Variants in RSPO2 observed in about 807,000 individuals in gnomAD.
The protein encoded by RSPO2 is R-spondin 2.
Under a neutral mutation model 30.9 loss-of-function variants are expected in RSPO2, and 14 were observed. The observed-to-expected ratio is 0.45, with a 90% CI of 0.30 to 0.71. RSPO2 has a LOEUF of 0.71. RSPO2 is among the 30% of genes least tolerant of loss of function. RSPO2 has a pLI of 0.08. For missense variants in RSPO2, 264 were observed against 301.9 expected (o/e 0.87, Z 0.93); for synonymous variants, 107 against 96.4 (o/e 1.11, Z -0.64).
chr8:108,012,900 C>A (rs1385715595), intron 2 of RSPO2, among the ~76,000 whole-genome samples: 1 of 152,208 alleles, frequency 6.6e-6, no homozygotes, highest in African/African-American at 2.4e-5. Context: ...GGAATTTACT[C>A]TAAATTTACA....
chr8:107,999,628 T>C (rs1005033807), intron 2 of RSPO2, among the ~76,000 whole-genome samples: 3 of 151,992 alleles, frequency 2.0e-5, no homozygotes, highest in Non-Finnish European at 4.4e-5. Flanking sequence ...AGAGACAAAA[T>C]TTTGTCATGT....
intron 2 of RSPO2, among the ~76,000 whole-genome samples, chr8:108,010,802 A>G (rs1810680068): frequency 6.6e-6 from 1 of 152,186 alleles, no homozygotes; most frequent in Non-Finnish European, 1.5e-5. Flanking sequence ...AAGGAAGAGC[A>G]CACCCAGAAA....
intron 2 of RSPO2, among the ~76,000 whole-genome samples, chr8:108,054,850 A>C (rs2440387): frequency 6.6e-6 from 1 of 151,980 alleles, no homozygotes; most frequent in East Asian, 1.9e-4. Flanking sequence ...AGGGTGGCTC[A>C]TGCCTCTAAT....
At position 108,053,999 on chromosome 8, in the gene RSPO2, T is replaced by C. The variant is rs1054338169; in HGVS notation, c.94+28546A>G. Among the ~76,000 whole-genome samples the C allele has an allele frequency of 3.9e-5, 6 of 152,326 alleles. No homozygotes were observed. The South Asian group carries it at 1.2e-3, about 32-fold the overall frequency. On this transcript the variant is annotated intron_variant, in intron 2 of 5. Transcript: ENST00000276659. Reference sequence around the variant, plus strand: ...GAACCCCGAATGTATTTCCTATGTATATCATTATTTCAGCACTCTCTCGAG... The same window carrying C: ...GAACCCCGAATGTATTTCCTATGTACATCATTATTTCAGCACTCTCTCGAG...
At chr8:108,018,062 T>C (rs1033742753) in intron 2 of RSPO2, among the ~76,000 whole-genome samples, 2 of 152,186 alleles carry the variant, frequency 1.3e-5, no homozygotes, top group African/African-American at 2.4e-5. Flanking sequence ...AAATAAATTA[T>C]TTTGCATAAT....
intron 2 of RSPO2, among the ~76,000 whole-genome samples, chr8:108,062,397 T>C (rs1246899854): frequency 6.6e-6 from 1 of 151,798 alleles, no homozygotes; most frequent in East Asian, 1.9e-4. Flanking sequence ...CATCAGAGAA[T>C]ACTATAAACA....
chr8:107,901,845 G>T (rs1488561784), intron 5 of RSPO2, among the ~76,000 whole-genome samples: 4 of 152,192 alleles, frequency 2.6e-5, no homozygotes, highest in Admixed American at 2.6e-4. Flanking sequence ...TAAACTGGTG[G>T]TATGTGTCTA....
At chr8:107,907,743 A>T (rs560384008) in intron 5 of RSPO2, among the ~76,000 whole-genome samples, 1 of 152,238 alleles carries the variant, frequency 6.6e-6, no homozygotes, top group East Asian at 1.9e-4. Context: ...GGTTTACACT[A>T]ATTTGTAAAA....
intron 2 of RSPO2, among the ~76,000 whole-genome samples, chr8:108,040,822 C>A (rs920936753): frequency 1.3e-4 from 19 of 151,992 alleles, no homozygotes; most frequent in African/African-American, 4.3e-4. Flanking sequence ...TCCTCATGAA[C>A]CAAAACATAG....
At chr8:108,008,467 T>C (rs1161089433) in intron 2 of RSPO2, among the ~76,000 whole-genome samples, 1 of 152,132 alleles carries the variant, frequency 6.6e-6, no homozygotes. Flanking sequence ...CCAGAGCTCA[T>C]ATTATCACAG....
chr8:108,057,470 T>TAA (rs148832735), intron 2 of RSPO2, among the ~76,000 whole-genome samples: 2 of 152,114 alleles, frequency 1.3e-5, no homozygotes, highest in African/African-American at 4.8e-5. Flanking sequence ...TAAGTGGCTA[T>TAA]AAAAAAAATC....
chr8:108,059,284 A>T (rs1812368726), intron 2 of RSPO2, among the ~76,000 whole-genome samples: 1 of 151,946 alleles, frequency 6.6e-6, no homozygotes, highest in East Asian at 1.9e-4. Flanking sequence ...GAGAAATGCA[A>T]ATCAAAACCA....
At chr8:107,952,289 GCACA>G (rs60942015) in intron 5 of RSPO2, among the ~76,000 whole-genome samples, 113 of 149,022 alleles carry the variant, frequency 7.6e-4, no homozygotes, top group African/African-American at 1.9e-3. Flanking sequence ...ACACACACAT[GCACA>G]CACACACACA....
chr8:108,016,540 GAA>G (rs143726722), intron 2 of RSPO2, among the ~76,000 whole-genome samples: 2 of 151,654 alleles, frequency 1.3e-5, no homozygotes, highest in Non-Finnish European at 2.9e-5. Context: ...CACACACAGA[GAA>G]AAAAAACCAC....
intron 2 of RSPO2, among the ~76,000 whole-genome samples, chr8:108,016,249 G>A (rs1388731608): frequency 6.6e-6 from 1 of 152,166 alleles, no homozygotes; most frequent in East Asian, 1.9e-4. Flanking sequence ...AAGGATATAT[G>A]CTCCACAAAA....
In RSPO2 at chr8:107,900,927, G is replaced by T; in HGVS notation, c.*148C>A. On this transcript the variant is annotated 3_prime_UTR_variant, in exon 6 of 6. Transcript: ENST00000276659. ...AAAGCATAAATAACACAGGGGCCAT[G>T]CTGGTGGTGCTTCCTTTCACCATGT... 1 of 775,212 alleles carries T rather than the reference G, an allele frequency of 1.3e-6. No individual in the cohort carries two copies. Among genetic ancestry groups the T allele is most frequent in the Non-Finnish European group, 2.1e-6 (1 of 481,480 alleles). 48.0% of individuals were successfully genotyped at this position (775,212 alleles called of 1,614,324 possible).
chr8:107,907,198 A>T (rs1811675780), intron 5 of RSPO2, among the ~76,000 whole-genome samples: 1 of 152,022 alleles, frequency 6.6e-6, no homozygotes. Context: ...GGTAAGGTGG[A>T]AAGAGTAAAG....
chr8:108,036,943 T>C (rs1226046059), intron 2 of RSPO2, among the ~76,000 whole-genome samples: 1 of 152,190 alleles, frequency 6.6e-6, no homozygotes, highest in Non-Finnish European at 1.5e-5. Context: ...GACCAATCAA[T>C]GTTGTGTGTT....
At chr8:108,006,945 C>T (rs1390041884) in intron 2 of RSPO2, among the ~76,000 whole-genome samples, 2 of 152,188 alleles carry the variant, frequency 1.3e-5, no homozygotes, top group East Asian at 1.9e-4. Flanking sequence ...CATCGCAGTA[C>T]ACCACCCTAT....
Sources: allele counts gnomAD v4.1 joint callset (sites outside exome capture counted in the v4.1 genomes callset), GRCh38; gene constraint gnomAD v4.1.1; transcripts MANE v1.5; gene names NCBI Gene and HGNC (gene_info 2026-07-23, HGNC 2026-07-21).